The following MARCHF4 variants were observed in gnomAD, a reference collection of about 807,000 sequenced individuals.
The protein encoded by MARCHF4 is E3 ubiquitin-protein ligase MARCHF4.
Under a neutral mutation model 43.9 loss-of-function variants are expected in MARCHF4, and 14 were observed. The ratio of observed to expected loss-of-function variants is 0.32; its 90% CI spans 0.21 to 0.50. The LOEUF (loss-of-function observed/expected upper bound fraction) is 0.50. Ranked by LOEUF, MARCHF4 falls within the 20% of genes least tolerant of loss-of-function variation. The pLI, the probability that MARCHF4 is intolerant of heterozygous loss-of-function variation, is 0.98. For missense variants in MARCHF4, 468 were observed against 536.7 expected (o/e 0.87, Z 1.27); for synonymous variants, 226 against 213.3 (o/e 1.06, Z -0.52).
chr2:216,341,044 G>A (rs1025020124), intron 1 of MARCHF4, among the ~76,000 whole-genome samples: 3 of 152,074 alleles, frequency 2.0e-5, no homozygotes. Context: ...CACTCTCCTC[G>A]GATCCCCCAG....
chr2:216,324,205 G>A (rs1457919105), intron 1 of MARCHF4, among the ~76,000 whole-genome samples: 184 of 148,098 alleles, frequency 1.2e-3, no homozygotes, highest in Admixed American at 5.8e-3. Flanking sequence ...AAATAAACTA[G>A]AAAATCTAGA....
intron 1 of MARCHF4, among the ~76,000 whole-genome samples, chr2:216,365,686 C>T (rs1437088697): frequency 6.6e-6 from 1 of 152,220 alleles, no homozygotes; most frequent in Non-Finnish European, 1.5e-5. Context: ...GGCAAATTCC[C>T]CGACTTGTCT....
intron 1 of MARCHF4, among the ~76,000 whole-genome samples, chr2:216,305,265 T>A (rs545175610): frequency 1.3e-5 from 2 of 152,186 alleles, no homozygotes; most frequent in Admixed American, 6.5e-5. Flanking sequence ...GAGTCCGGTA[T>A]GCATGTGGAG....
chr2:216,296,101 G>A (rs1270879390), intron 1 of MARCHF4, among the ~76,000 whole-genome samples: 5 of 152,162 alleles, frequency 3.3e-5, no homozygotes, highest in East Asian at 3.9e-4. Flanking sequence ...AGCCAAGATC[G>A]TGCCACTGCA....
At chr2:216,296,979 C>T (rs1005139147) in intron 1 of MARCHF4, among the ~76,000 whole-genome samples, 17 of 152,180 alleles carry the variant, frequency 1.1e-4, no homozygotes, top group Non-Finnish European at 2.4e-4. Context: ...ATAGCCGTGC[C>T]AGAGTCTGCT....
intron 1 of MARCHF4, among the ~76,000 whole-genome samples, chr2:216,353,469 A>C (rs977309486): frequency 6.6e-6 from 1 of 152,246 alleles, no homozygotes; most frequent in East Asian, 1.9e-4. Flanking sequence ...TTTCTAGTCT[A>C]AGAATAGGAA....
chr2:216,327,322 T>C (rs1254219572), intron 1 of MARCHF4, among the ~76,000 whole-genome samples: 1 of 152,142 alleles, frequency 6.6e-6, no homozygotes. Flanking sequence ...TATTACAATA[T>C]ATAATCTATC....
intron 3 of MARCHF4, among the ~76,000 whole-genome samples, chr2:216,270,425 C>T (rs1264958637): frequency 6.6e-6 from 1 of 152,116 alleles, no homozygotes; most frequent in Non-Finnish European, 1.5e-5. Context: ...CCCCATCAGT[C>T]ACCAACCCTT....
chr2:216,284,851 C>T (rs1469467017), intron 1 of MARCHF4, among the ~76,000 whole-genome samples: 1 of 152,142 alleles, frequency 6.6e-6, no homozygotes, highest in African/African-American at 2.4e-5. Context: ...TCCTTTAACA[C>T]CTGGTCTACC....
rs1281095769 is a variant in MARCHF4 at position 216,365,489 on chromosome 2, A to T, written c.516+4256T>A. ...GGATTCACCTCTTTTCAAGGTATCCATGTGTGGAGTGCCTGGAGGTTGCTC... is the reference window on the plus strand; with the variant it reads ...GGATTCACCTCTTTTCAAGGTATCCTTGTGTGGAGTGCCTGGAGGTTGCTC... On this transcript the variant is annotated intron_variant, in intron 1 of 3. Coordinates refer to ENST00000273067, the MANE Select transcript of MARCHF4 (RefSeq NM_020814.3). Among the ~76,000 whole-genome samples the T allele has an allele frequency of 2.0e-5, 3 of 152,276 alleles. No homozygotes were observed. In the East Asian group the frequency reaches 5.8e-4, roughly 29 times the overall value.
chr2:216,329,245 G>A (rs942751248), intron 1 of MARCHF4, among the ~76,000 whole-genome samples: 1 of 152,116 alleles, frequency 6.6e-6, no homozygotes, highest in African/African-American at 2.4e-5. Flanking sequence ...GCCAGGCTTG[G>A]TGGCGGGCAC....
chr2:216,317,898 A>T (rs1050926597), intron 1 of MARCHF4, among the ~76,000 whole-genome samples: 1 of 152,228 alleles, frequency 6.6e-6, no homozygotes, highest in Non-Finnish European at 1.5e-5. Context: ...GACAATAGAA[A>T]GATCTCAGCC....
At position 216,336,742 on chromosome 2, in the gene MARCHF4, T is replaced by TAAAAAAAAAAAAAAAAAAAAAAA. The variant is rs58031229; in HGVS notation, c.516+32980_516+33002dup. On this transcript the variant is annotated intron_variant, in intron 1 of 3. Coordinates refer to ENST00000273067, the MANE Select transcript of MARCHF4 (RefSeq NM_020814.3). ...GGCAAATGGGAAAGGCAAATAGATTTAAAAAAAAAAAAAAAAAAAAAAAAA... is the reference window on the plus strand; with the variant it reads ...GGCAAATGGGAAAGGCAAATAGATTTAAAAAAAAAAAAAAAAAAAAAAAAAAAAAAAAAAAAAAAAAAAAAAAA... Among the ~76,000 whole-genome samples, 47 of 55,662 alleles carry TAAAAAAAAAAAAAAAAAAAAAAA rather than the reference T, an allele frequency of 8.4e-4. 2 individuals are homozygous for TAAAAAAAAAAAAAAAAAAAAAAA. The highest frequency in any genetic ancestry group is 1.3e-3 in the East Asian group (1 of 758). 36.5% of individuals were successfully genotyped at this position (55,662 alleles called of 152,430 possible).
Position 216,370,291 on chromosome 2 carries a change from G to A in MARCHF4, c.-31C>T, listed in dbSNP as rs1470858987. The A allele has an allele frequency of 1.1e-5, 17 of 1,550,418 alleles. No individual in the cohort carries two copies. Among genetic ancestry groups the A allele is most frequent in the Non-Finnish European group, 1.7e-6 (2 of 1,146,212 alleles). On this transcript the variant is annotated 5_prime_UTR_variant, in exon 1 of 4. Transcript: ENST00000273067. ...CCGTGGAAGTAGAGAGCCCAAGAGGGGTGGCTGGAGTCTTAAAAGAGGGGG... is the reference window on the plus strand; with the variant it reads ...CCGTGGAAGTAGAGAGCCCAAGAGGAGTGGCTGGAGTCTTAAAAGAGGGGG...
intron 1 of MARCHF4, among the ~76,000 whole-genome samples, chr2:216,367,289 GTC>G (rs146017905): frequency 0.011 from 1,683 of 151,948 alleles, 31 homozygotes; most frequent in African/African-American, 0.039. Context: ...ATTTTAGCGT[GTC>G]TCTCTCTCTT....
rs2287562 is a variant in MARCHF4, at chr2:216,277,749, G to A, written c.788C>T (p.Ser263Leu). The A allele has an allele frequency of 1.1e-4, 184 of 1,614,160 alleles. 1 individual carries two copies. The East Asian group carries it at 3.4e-3, about 30-fold the overall frequency. Residue 263 changes from serine (S) to leucine (L), a missense_variant, in exon 3 of 4, where the codon TCG becomes TTG. Physicochemically the swap from Ser to Leu is moderately radical, Grantham distance 145 (BLOSUM62 -2). Around this residue, in one of 3 missense-constraint regions of MARCHF4, gnomAD observed 158 missense variants for 251.1 expected, o/e 0.63. Coordinates refer to ENST00000273067, the MANE Select transcript of MARCHF4 (RefSeq NM_020814.3). ...SWLIWSTFSP[S>L]ARWQRQDLLF... Reference sequence around the variant, plus strand: ...AAGGTCTTGGCGCTGCCATCTTGCCGAGGGGCTGAAAGTTGACCAGATGAG... The same window carrying A: ...AAGGTCTTGGCGCTGCCATCTTGCCAAGGGGCTGAAAGTTGACCAGATGAG...
At chr2:216,286,612 T>C (rs1449532706) in intron 1 of MARCHF4, among the ~76,000 whole-genome samples, 3 of 152,092 alleles carry the variant, frequency 2.0e-5, no homozygotes, top group Non-Finnish European at 4.4e-5. Flanking sequence ...GAAGTGATGA[T>C]TGGGTATTTG....
At chr2:216,292,503 G>C (rs1223487732) in intron 1 of MARCHF4, among the ~76,000 whole-genome samples, 1 of 152,210 alleles carries the variant, frequency 6.6e-6, no homozygotes, top group East Asian at 1.9e-4. Context: ...AGAATAAGGA[G>C]AGATGACAGA....
chr2:216,287,642 G>GT (rs1237026412), intron 1 of MARCHF4, among the ~76,000 whole-genome samples: 1 of 116,314 alleles, frequency 8.6e-6, no homozygotes, highest in African/African-American at 3.3e-5. Context: ...CTGTTGTGGG[G>GT]TGGGGGGAGG....
Sources: gnomAD v4.1 joint callset for allele counts (sites outside exome capture counted in the v4.1 genomes callset) on GRCh38, gnomAD v4.1.1 for gene constraint, gnomAD v4.1.1 regional missense constraint, MANE v1.5 for transcripts, NCBI Gene and HGNC (gene_info 2026-07-23, HGNC 2026-07-21) for gene names.